EPHB3: variants seen among roughly 807,000 people sequenced by gnomAD.
EPHB3 encodes ephrin type-B receptor 3.
Under a neutral mutation model 100.2 loss-of-function variants are expected in EPHB3, and 33 were observed. The observed-to-expected ratio is 0.33, with a 90% confidence interval of 0.25 to 0.44. The LOEUF (loss-of-function observed/expected upper bound fraction) is 0.44, where lower values mean the gene tolerates loss of function less well. EPHB3 is among the 20% of genes least tolerant of loss of function. The probability of loss-of-function intolerance (pLI) is 1.00; values close to 1 mark genes in which losing one functional copy is unlikely to be tolerated. For synonymous variants in EPHB3, 526 were observed against 554.7 expected (o/e 0.95, Z 0.73); for missense variants, 1,045 against 1,378.3 (o/e 0.76, Z 3.83).
chr3:184,577,227 C>T lies in EPHB3; in HGVS notation c.1354+44C>T. On this transcript the variant is annotated intron_variant, in intron 5 of 15. Transcript: ENST00000330394. This position sits in a 1 kb window ranked among gnomAD's most constrained non-coding sequence, Gnocchi z 4.9. ...AGGGTAGGGCCTGGGTCACTTTCTC[C>T]TGGATGAGGTGTCCCAGGACCTGCT... is the stretch of plus-strand genomic sequence containing the variant. The T allele has an allele frequency of 6.4e-7, 1 of 1,570,374 alleles. No individual in the cohort carries two copies.
At chr3:184,576,737 C>G in intron 4 of EPHB3, 105 bp from the exon 5 acceptor site, 1 of 1,174,912 alleles carries the variant, frequency 8.5e-7, no homozygotes, top group Non-Finnish European at 1.2e-6. Context: ...AAAGCAGAGG[C>G]AAGGCAAGGA....
Position 184,571,213 on chromosome 3 carries a change from C to T in EPHB3, c.119-105C>T. The stretch of plus-strand genomic sequence containing the variant: ...AAGTGATCCACCTGCCTCAGACTCC[C>T]AAAGTGCTGGGATTACAGGTGTGAG... On this transcript the variant is annotated intron_variant, in intron 1 of 15. Transcript: ENST00000330394. This position sits in a 1 kb window ranked among gnomAD's most constrained non-coding sequence, Gnocchi z 5.0. 8.6e-7 allele frequency: 1 copy of T among 1,163,636 alleles called. No homozygotes were observed. Among genetic ancestry groups the T allele is most frequent in the Admixed American group, 1.8e-5 (1 of 56,038 alleles). The allele number at this position is 1,163,636 out of a possible 1,614,324, so 72.1% of individuals were successfully genotyped here.
rs374610294 is a variant in EPHB3 at position 184,581,212 on chromosome 3, C to G, written c.2733-41C>G. On this transcript the variant is annotated intron_variant, in intron 14 of 15. Coordinates refer to ENST00000330394, the MANE Select transcript of EPHB3 (RefSeq NM_004443.4). Reference sequence around the variant, plus strand: ...CCCGCCAAGCCAGTAGCCCTATCTCCCACCTTCAAGACTCACCAGGTCCTT... The same window carrying G: ...CCCGCCAAGCCAGTAGCCCTATCTCGCACCTTCAAGACTCACCAGGTCCTT... The G allele has an allele frequency of 1.0e-4, 168 of 1,606,412 alleles. 1 individual carries two copies. The highest frequency in any genetic ancestry group is 6.1e-5 in the Non-Finnish European group (72 of 1,175,394).
chr3:184,581,151 C>T lies in EPHB3; in HGVS notation c.2718C>T (p.Ala906=). 1 of 1,614,104 alleles carries T rather than the reference C, an allele frequency of 6.2e-7. No individual in the cohort carries two copies. The highest frequency in any genetic ancestry group is 8.5e-7 in the Non-Finnish European group (1 of 1,179,998). The part of the protein sequence containing the change: ...IRNAASLKVI[A]SAQSGMSQPL... ...ATGCTGCCAGCCTCAAGGTCATTGCCAGCGCTCAGTCTGGGTTAGTACCTC... is the reference window on the plus strand; with the variant it reads ...ATGCTGCCAGCCTCAAGGTCATTGCTAGCGCTCAGTCTGGGTTAGTACCTC... The change falls in exon 14 of 16, where the codon GCC becomes GCT. Residue 906 remains alanine (A), a synonymous_variant. Transcript: ENST00000330394.
rs1260270086 is a variant in EPHB3, at chr3:184,563,742, T to A, written c.118+1389T>A. Among the ~76,000 whole-genome samples the A allele has an allele frequency of 6.6e-6, 1 of 152,134 alleles. No individual in the cohort carries two copies. Among genetic ancestry groups the A allele is most frequent in the African/African-American group, 2.4e-5 (1 of 41,430 alleles). On this transcript the variant is annotated intron_variant, in intron 1 of 15. Transcript: ENST00000330394. This position sits in a 1 kb window ranked among gnomAD's most constrained non-coding sequence, Gnocchi z 4.1. The stretch of plus-strand genomic sequence containing the variant: ...CGTGAGAACCCAGTGTGGGGCTTTG[T>A]TGTTGATTGCCTTGAGGGTGTGAGC...
chr3:184,582,214 C>G lies in EPHB3; in HGVS notation c.*592C>G, dbSNP rs542613654. 2.5e-5 allele frequency: 4 copies of G among 162,158 alleles called. No individual in the cohort carries two copies. The East Asian group carries it at 7.7e-4, about 31-fold the overall frequency. The allele number at this position is 162,158 out of a possible 1,614,324, so 10.0% of individuals were successfully genotyped here. A position where few individuals can be genotyped will look rare whatever the true frequency, so the allele number is the denominator to read the frequency against. Reference sequence around the variant, plus strand: ...CAGGCTGAGGAGTTGCCCTTTGCCCCCCAGAGACTGACTCTCAGAGCCAGA... The same window carrying G: ...CAGGCTGAGGAGTTGCCCTTTGCCCGCCAGAGACTGACTCTCAGAGCCAGA... On this transcript the variant is annotated 3_prime_UTR_variant, in exon 16 of 16. Transcript: ENST00000330394.
Position 184,578,250 on chromosome 3 carries a change from C to A in EPHB3, c.1749-164C>A. 9.4e-7 allele frequency: 1 copy of A among 1,061,874 alleles called. No individual in the cohort carries two copies. 65.8% of individuals were successfully genotyped at this position (1,061,874 alleles called of 1,614,324 possible). On this transcript the variant is annotated intron_variant, in intron 8 of 15. Coordinates refer to ENST00000330394, the MANE Select transcript of EPHB3 (RefSeq NM_004443.4). This position sits in a 1 kb window ranked among gnomAD's most constrained non-coding sequence, Gnocchi z 4.7. ...TCCCTAGGGACTGAGTCCACTGAAC[C>A]CCTTGCTCAGACACCCAGAGACTGC...
In EPHB3 at chr3:184,562,340, C is replaced by T. The variant is rs570761224; in HGVS notation, c.105C>T (p.Cys35=). Residue 35 remains cysteine (C), a synonymous_variant, in exon 1 of 16, where the codon TGC becomes TGT. Transcript: ENST00000330394. The surrounding 1 kb of genome is among the most constrained non-coding windows in gnomAD (Gnocchi z 4.8). ...LLPLLLLPAG[C]RALEETLMDT... ...CGCTGCTGCTGCTGCCCGCCGGCTGCCGGGCGCTGGAAGGTGAGCGGCGTC... is the reference window on the plus strand; with the variant it reads ...CGCTGCTGCTGCTGCCCGCCGGCTGTCGGGCGCTGGAAGGTGAGCGGCGTC... 8.1e-7 allele frequency: 1 copy of T among 1,238,244 alleles called. No individual in the cohort carries two copies. Among genetic ancestry groups the T allele is most frequent in the Non-Finnish European group, 1.0e-6 (1 of 991,852 alleles). The allele number at this position is 1,238,244 out of a possible 1,614,324, so 76.7% of individuals were successfully genotyped here. A position where few individuals can be genotyped will look rare whatever the true frequency, so the allele number is the denominator to read the frequency against.
Position 184,577,574 on chromosome 3 carries a change from G to T in EPHB3, c.1480-84G>T. ...GGAGCAAGGCCTTGGGTATGGAGGG[G>T]GCATGTGGCAGGCCTGGGTGTGAAT... On this transcript the variant is annotated intron_variant, in intron 6 of 15. Coordinates refer to ENST00000330394, the MANE Select transcript of EPHB3 (RefSeq NM_004443.4). The surrounding 1 kb of genome is among the most constrained non-coding windows in gnomAD (Gnocchi z 4.9). 1.9e-6 allele frequency: 3 copies of T among 1,575,662 alleles called. No individual in the cohort carries two copies. The African/African-American group carries it at 4.0e-5, about 21-fold the overall frequency.
intron 4 of EPHB3, among the ~76,000 whole-genome samples, chr3:184,576,621 C>T (rs928429838): frequency 7.9e-5 from 12 of 152,242 alleles, no homozygotes; most frequent in Middle Eastern, 6.8e-3. Context: ...AGGGCAAGGA[C>T]GAATCAAGGA....
rs547489347 is a variant in EPHB3 at position 184,563,850 on chromosome 3, T to A, written c.118+1497T>A. ...AGAGGCGACACTGGTACACACACACTCATACACTTACGGGGCTATGTGTCA... is the reference window on the plus strand; with the variant it reads ...AGAGGCGACACTGGTACACACACACACATACACTTACGGGGCTATGTGTCA... On this transcript the variant is annotated intron_variant, in intron 1 of 15. Coordinates refer to ENST00000330394, the MANE Select transcript of EPHB3 (RefSeq NM_004443.4). This position sits in a 1 kb window ranked among gnomAD's most constrained non-coding sequence, Gnocchi z 4.1. Among the ~76,000 whole-genome samples, 3 of 152,354 alleles carry A rather than the reference T, an allele frequency of 2.0e-5. No individual in the cohort carries two copies. Among genetic ancestry groups the A allele is most frequent in the Middle Eastern group, 3.4e-3 (1 of 294 alleles).
Sources: allele counts gnomAD v4.1 joint callset (sites outside exome capture counted in the v4.1 genomes callset), GRCh38; gene constraint gnomAD v4.1.1; non-coding constraint Gnocchi (gnomAD v3.1); transcripts MANE v1.5; gene names NCBI Gene and HGNC (gene_info 2026-07-23, HGNC 2026-07-21).